Variants in HSD17B12 observed in about 807,000 individuals in gnomAD.
HSD17B12 encodes the protein very-long-chain 3-oxoacyl-CoA reductase.
In HSD17B12, 32 loss-of-function variants were observed where a neutral mutation model predicts 39.3. That is an observed-to-expected ratio of 0.81 (90% CI 0.61 to 1.09). The LOEUF (loss-of-function observed/expected upper bound fraction) is 1.09, where lower values mean the gene tolerates loss of function less well. Among genes scored for constraint, HSD17B12 ranks in the 50% least tolerant of loss-of-function variants. The pLI, the probability that HSD17B12 is intolerant of heterozygous loss-of-function variation, is 0.00. For missense variants in HSD17B12, 342 were observed against 382.9 expected, an observed-to-expected ratio of 0.89 and a Z score of 0.89; for synonymous variants, 150 against 146.7, an observed-to-expected ratio of 1.02 and a Z score of -0.16.
chr11:43,685,909 G>T (rs1949793754), intron 1 of HSD17B12, among the ~76,000 whole-genome samples: 1 of 152,166 alleles, frequency 6.6e-6, no homozygotes, highest in African/African-American at 2.4e-5. Flanking sequence ...GATTTTTCTG[G>T]AAGGATTGCA....
rs145842097 is a variant in HSD17B12 at position 43,683,104 on chromosome 11, GT to G, written c.160+2132del. On this transcript the variant is annotated intron_variant, in intron 1 of 10. Coordinates refer to ENST00000278353, the MANE Select transcript of HSD17B12 (RefSeq NM_016142.3). ...ACCATGCCTGGATGTGTTTTTTTTT[GT>G]TTTTTTTTTTTTTTCTCTTTAAAAT... Among the ~76,000 whole-genome samples, 615 of 140,638 alleles carry G rather than the reference GT, an allele frequency of 4.4e-3. 4 individuals are homozygous for G. Among genetic ancestry groups the G allele is most frequent in the African/African-American group, 0.011 (410 of 38,318 alleles). The allele number at this position is 140,638 out of a possible 152,430, so 92.3% of individuals were successfully genotyped here.
intron 9 of HSD17B12, chr11:43,852,101 T>C (rs1951537648): frequency 6.6e-6 from 1 of 152,244 alleles, no homozygotes; most frequent in Non-Finnish European, 1.5e-5. Context: ...GAAAAGAATT[T>C]ACATTTCTTA....
chr11:43,582,714 A>G, the HSD17B12 span, among the ~76,000 whole-genome samples: 1 of 151,996 alleles, frequency 6.6e-6, no homozygotes, highest in Non-Finnish European at 1.5e-5. Context: ...CCCGGACTCT[A>G]CCCTCTCCAG....
At chr11:43,819,853 A>T (rs1304945033) in intron 6 of HSD17B12, among the ~76,000 whole-genome samples, 1 of 152,220 alleles carries the variant, frequency 6.6e-6, no homozygotes, top group Non-Finnish European at 1.5e-5. Flanking sequence ...GCACTTCTTC[A>T]TGGAGCCAAA....
chr11:43,798,836 T>C (rs1455074047), intron 4 of HSD17B12, among the ~76,000 whole-genome samples: 1 of 152,198 alleles, frequency 6.6e-6, no homozygotes, highest in East Asian at 1.9e-4. Context: ...AAACAATGCC[T>C]ACACATCACT....
chr11:43,683,047 C>T (rs1242901960), intron 1 of HSD17B12, among the ~76,000 whole-genome samples: 1 of 151,260 alleles, frequency 6.6e-6, no homozygotes, highest in African/African-American at 2.4e-5. Flanking sequence ...CTGCTTCAGC[C>T]TCCCAAAGTG....
intron 1 of HSD17B12, among the ~76,000 whole-genome samples, chr11:43,687,280 G>A (rs551041529): frequency 1.3e-5 from 2 of 152,310 alleles, no homozygotes; most frequent in Admixed American, 1.3e-4. Context: ...AGCCCTCACT[G>A]GGCTTGGTGG....
chr11:43,618,048 C>A, the HSD17B12 span, among the ~76,000 whole-genome samples: 1 of 152,172 alleles, frequency 6.6e-6, no homozygotes, highest in African/African-American at 2.4e-5. Context: ...TGGATTTGAA[C>A]AGATCTACCT....
At position 43,843,323 on chromosome 11, in the gene HSD17B12, C is replaced by T. The variant is rs535453149; in HGVS notation, c.684+3259C>T. 2.6e-5 allele frequency among the ~76,000 whole-genome samples: 4 copies of T among 152,232 alleles called. No individual in the cohort carries two copies. In the South Asian group the frequency reaches 6.2e-4, roughly 24 times the overall value. On this transcript the variant is annotated intron_variant, in intron 9 of 10. Transcript: ENST00000278353. ...TTAAAAATGATTGGTTTTTCTTTGGCGGTGTTTATGCCCACAAATTTTTTG... is the reference window on the plus strand; with the variant it reads ...TTAAAAATGATTGGTTTTTCTTTGGTGGTGTTTATGCCCACAAATTTTTTG...
the HSD17B12 span, among the ~76,000 whole-genome samples, chr11:43,631,693 CCTT>C: frequency 6.6e-6 from 1 of 151,968 alleles, no homozygotes; most frequent in Non-Finnish European, 1.5e-5. Flanking sequence ...ATTCCTCCCT[CCTT>C]CATTTCTTTC....
chr11:43,631,287 G>C, the HSD17B12 span, among the ~76,000 whole-genome samples: 2 of 152,182 alleles, frequency 1.3e-5, no homozygotes, highest in Non-Finnish European at 2.9e-5. Flanking sequence ...TGGGCAGAAA[G>C]TAAAGGATCC....
the HSD17B12 span, among the ~76,000 whole-genome samples, chr11:43,651,075 C>T: frequency 6.6e-6 from 1 of 152,068 alleles, no homozygotes; most frequent in African/African-American, 2.4e-5. Context: ...ATATATCTAC[C>T]ATGCATAATG....
intron 9 of HSD17B12, among the ~76,000 whole-genome samples, chr11:43,850,310 C>T (rs1193081251): frequency 6.6e-6 from 1 of 152,128 alleles, no homozygotes; most frequent in African/African-American, 2.4e-5. Flanking sequence ...ATCCTGAAAT[C>T]GTAGATGAAT....
At chr11:43,664,587 A>G in the HSD17B12 span, among the ~76,000 whole-genome samples, 2 of 152,150 alleles carry the variant, frequency 1.3e-5, no homozygotes, top group South Asian at 4.1e-4. Context: ...TCTAACTTCC[A>G]TGGCTATTGT....
chr11:43,712,227 G>A (rs1040611340), intron 1 of HSD17B12, among the ~76,000 whole-genome samples: 1 of 152,050 alleles, frequency 6.6e-6, no homozygotes, highest in Non-Finnish European at 1.5e-5. Flanking sequence ...AGGAGATCAA[G>A]ACCATCCTGG....
At chr11:43,557,599 A>G in the HSD17B12 span, among the ~76,000 whole-genome samples, 1 of 152,228 alleles carries the variant, frequency 6.6e-6, no homozygotes, top group Non-Finnish European at 1.5e-5. Context: ...CCGTTGCAAG[A>G]GCAAAAACTG....
At chr11:43,557,928 G>A in the HSD17B12 span, among the ~76,000 whole-genome samples, 32 of 152,246 alleles carry the variant, frequency 2.1e-4, no homozygotes, top group East Asian at 5.8e-3. Flanking sequence ...CTTGTGTGTC[G>A]TGGAAGGAGG....
chr11:43,677,749 A>G (rs112703947), upstream of HSD17B12, among the ~76,000 whole-genome samples: 1 of 152,130 alleles, frequency 6.6e-6, no homozygotes, highest in African/African-American at 2.4e-5. Context: ...AGCTTCATCC[A>G]TGTCCCTACA....
the HSD17B12 span, among the ~76,000 whole-genome samples, chr11:43,659,933 T>G: frequency 6.6e-6 from 1 of 152,190 alleles, no homozygotes; most frequent in East Asian, 1.9e-4. Context: ...TAATTTTTTT[T>G]TAAGCCCAAA....
Sources: allele counts gnomAD v4.1 joint callset (sites outside exome capture counted in the v4.1 genomes callset), GRCh38; gene constraint gnomAD v4.1.1; transcripts MANE v1.5; gene names NCBI Gene and HGNC (gene_info 2026-07-23, HGNC 2026-07-21).